Variants in KIDINS220 observed in about 807,000 individuals in gnomAD.
KIDINS220 encodes kinase D interacting substrate 220.
A neutral mutation model predicts 157.6 loss-of-function variants in KIDINS220; 63 were observed. The observed-to-expected ratio is 0.40, with a 90% CI of 0.33 to 0.49. The LOEUF is 0.49. Among genes scored for constraint, KIDINS220 ranks in the 20% least tolerant of loss-of-function variants. The probability of loss-of-function intolerance (pLI) is 0.66; values close to 1 mark genes in which losing one functional copy is unlikely to be tolerated. For synonymous variants in KIDINS220, 732 were observed against 783.6 expected, an observed-to-expected ratio of 0.93 and a Z score of 1.10; for missense variants, 1,772 against 2,171.2, an observed-to-expected ratio of 0.82 and a Z score of 3.65.
intron 2 of KIDINS220, among the ~76,000 whole-genome samples, chr2:8,822,300 C>T (rs757731763): frequency 4.9e-4 from 74 of 152,068 alleles, no homozygotes; most frequent in Non-Finnish European, 9.3e-4. Context: ...TAAAACATTT[C>T]GAAATCCTCC....
At chr2:8,793,451 G>A (rs578246751) in intron 12 of KIDINS220, among the ~76,000 whole-genome samples, 11 of 152,298 alleles carry the variant, frequency 7.2e-5, no homozygotes, top group African/African-American at 2.4e-4. Context: ...AGCTATGATT[G>A]CATCACTGTA....
At position 8,734,771 on chromosome 2, in the gene KIDINS220, C is replaced by T; in HGVS notation, c.3718-18G>A. 1 of 1,522,608 alleles carries T rather than the reference C, an allele frequency of 6.6e-7. No homozygotes were observed. The highest frequency in any genetic ancestry group is 9.1e-7 in the Non-Finnish European group (1 of 1,100,844). 94.3% of individuals were successfully genotyped at this position (1,522,608 alleles called of 1,614,324 possible). On this transcript the variant is annotated intron_variant, in intron 27 of 29. Transcript: ENST00000256707. ...ATGTTTGCCTGAGTAAAAATTAAAA[C>T]AATTATGGGTATAAAGACAGAATGT...
In KIDINS220 at chr2:8,734,080, G is replaced by A. The variant is rs544207199; in HGVS notation, c.3817-400C>T. On this transcript the variant is annotated intron_variant, in intron 28 of 29. Transcript: ENST00000256707. The stretch of plus-strand genomic sequence containing the variant: ...CTCACTACAGAAGGGAGTCCAACTC[G>A]GAATAAGCACGAATGAGTGGGGATC... Among the ~76,000 whole-genome samples the A allele has an allele frequency of 3.3e-5, 5 of 152,186 alleles. No individual in the cohort carries two copies. In the South Asian group the frequency reaches 6.2e-4, roughly 19 times the overall value.
In KIDINS220 at chr2:8,744,363, CAAAAAAAAAAAA is replaced by C. The variant is rs547083543; in HGVS notation, c.3585+2770_3585+2781del. ...AAGGTGATTCAGATGTTCCTCATGG[CAAAAAAAAAAAA>C]AAAAAAAAAAAAAATATATATATAT... is the stretch of plus-strand genomic sequence containing the variant. On this transcript the variant is annotated intron_variant, in intron 26 of 29. Coordinates refer to ENST00000256707, the MANE Select transcript of KIDINS220 (RefSeq NM_020738.4). Among the ~76,000 whole-genome samples the C allele has an allele frequency of 4.4e-3, 41 of 9,300 alleles. 1 individual carries two copies. The highest frequency in any genetic ancestry group is 0.012 in the African/African-American group (22 of 1,858). 6.1% of individuals were successfully genotyped at this position (9,300 alleles called of 152,430 possible).
chr2:8,789,978 A>T lies in KIDINS220; in HGVS notation c.1523T>A (p.Leu508His), dbSNP rs1166754991. 3.7e-6 allele frequency: 6 copies of T among 1,613,746 alleles called. No homozygotes were observed. The highest frequency in any genetic ancestry group is 1.3e-5 in the African/African-American group (1 of 74,920). ...AAACAATAAACCAAGCCCTCCACAA[A>T]GTAGCAGGGTAAGAAACACTATGAG... ...SWLIVFLTLL[L>H]CGGLGLLFAF... The change falls in exon 14 of 30, where the codon CTT (leucine) becomes CAT (histidine). Residue 508 changes from leucine to histidine, a missense_variant. This residue lies in a region of KIDINS220 where 725 missense variants were observed against 1,017.1 expected (regional missense o/e 0.71). Transcript: ENST00000256707.
chr2:8,824,348 G>A (rs1424103105), intron 2 of KIDINS220, among the ~76,000 whole-genome samples: 1 of 152,090 alleles, frequency 6.6e-6, no homozygotes, highest in Non-Finnish European at 1.5e-5. Context: ...AGGTACCACA[G>A]GTCAGAAAAA....
At chr2:8,824,510 A>G (rs1023294662) in intron 2 of KIDINS220, among the ~76,000 whole-genome samples, 13 of 152,054 alleles carry the variant, frequency 8.5e-5, no homozygotes, top group African/African-American at 2.9e-4. Context: ...GCAAAACCCC[A>G]TCTCGACTAA....
rs201077051 is a variant in KIDINS220 at position 8,733,611 on chromosome 2, T to C, written c.3886A>G (p.Ser1296Gly). 104 of 1,613,290 alleles carry C rather than the reference T, an allele frequency of 6.4e-5. No individual in the cohort carries two copies. In the African/African-American group the frequency reaches 8.5e-4, roughly 13 times the overall value. Reference sequence around the variant, plus strand: ...GGCTCACCGTGCGGGGCTGGGCCACTGCTGCTCTCACTGAGGAAACGTGGG... The same window carrying C: ...GGCTCACCGTGCGGGGCTGGGCCACCGCTGCTCTCACTGAGGAAACGTGGG... ...EDPRFLSESS[S>G]GPAPHGEPAR... Residue 1296 changes from serine to glycine, a missense_variant, in exon 29 of 30, where the codon AGT becomes GGT. Ser to Gly is a moderately conservative substitution (Grantham distance 56). Transcript: ENST00000256707.
chr2:8,747,382 T>TTAAACTATTA (rs1440949525), intron 25 of KIDINS220, 181 bp from the exon 26 acceptor site: 15 of 582,438 alleles, frequency 2.6e-5, no homozygotes, highest in Non-Finnish European at 4.0e-5. Flanking sequence ...ATTACTTTTA[T>TTAAACTATTA]CATCAGGAAC....
At chr2:8,802,806 C>T in intron 8 of KIDINS220, 124 bp downstream of exon 8, 1 of 702,644 alleles carries the variant, frequency 1.4e-6, no homozygotes. Flanking sequence ...GTTTCAAAGG[C>T]AGAAATAAAC....
chr2:8,734,987 C>T (rs115686414), intron 27 of KIDINS220, among the ~76,000 whole-genome samples: 62 of 152,258 alleles, frequency 4.1e-4, no homozygotes, highest in African/African-American at 1.0e-3. Flanking sequence ...TGGGACCAAC[C>T]GAAGAACTAA....
chr2:8,735,930 G>A (rs545100037), intron 27 of KIDINS220, among the ~76,000 whole-genome samples: 1 of 152,178 alleles, frequency 6.6e-6, no homozygotes, highest in Non-Finnish European at 1.5e-5. Context: ...GACTCGTGTG[G>A]GAGACCCCGC....
At position 8,785,876 on chromosome 2, in the gene KIDINS220, A is replaced by G; in HGVS notation, c.2094T>C (p.Ser698=). The change falls in exon 17 of 30, where the codon TCT becomes TCC. Residue 698 remains serine, a synonymous_variant. Coordinates refer to ENST00000256707, the MANE Select transcript of KIDINS220 (RefSeq NM_020738.4). ...TVNAVLISIA[S]VVGLAFVLNC... ...TCAACACAAAGGCCAATCCCACTACAGATGCGATTGATATGAGGACAGCAT... is the reference window on the plus strand; with the variant it reads ...TCAACACAAAGGCCAATCCCACTACGGATGCGATTGATATGAGGACAGCAT... 2 of 1,614,170 alleles carry G rather than the reference A, an allele frequency of 1.2e-6. No individual in the cohort carries two copies. Among genetic ancestry groups the G allele is most frequent in the Non-Finnish European group, 1.7e-6 (2 of 1,180,016 alleles).
intron 21 of KIDINS220, 72 bp downstream of exon 21, chr2:8,776,676 T>C: frequency 6.5e-6 from 9 of 1,375,846 alleles, no homozygotes; most frequent in Non-Finnish European, 9.1e-6. Context: ...CATACCTTTG[T>C]TTCTGAAATT....
chr2:8,756,528 A>T (rs1668034147), intron 22 of KIDINS220, among the ~76,000 whole-genome samples: 1 of 152,236 alleles, frequency 6.6e-6, no homozygotes, highest in African/African-American at 2.4e-5. Flanking sequence ...ATAACAGAAT[A>T]CCATAGGCTG....
At chr2:8,742,164 G>A (rs1022363262) in intron 26 of KIDINS220, among the ~76,000 whole-genome samples, 1 of 151,946 alleles carries the variant, frequency 6.6e-6, no homozygotes, top group East Asian at 1.9e-4. Context: ...CTGTCACCAC[G>A]CTGGGGTGCA....
chr2:8,803,037 T>C lies in KIDINS220; in HGVS notation c.694A>G (p.Thr232Ala). The C allele has an allele frequency of 6.2e-7, 1 of 1,613,682 alleles. No homozygotes were observed. Among genetic ancestry groups the C allele is most frequent in the Non-Finnish European group, 8.5e-7 (1 of 1,179,964 alleles). The change falls in exon 8 of 30, where the codon ACA becomes GCA. Residue 232 changes from threonine (T) to alanine (A), a missense_variant. By Grantham distance (58) the Thr-to-Ala change is moderately conservative. Around this residue, in one of 3 missense-constraint regions of KIDINS220, gnomAD observed 725 missense variants for 1,017.1 expected, o/e 0.71. Coordinates refer to ENST00000256707, the MANE Select transcript of KIDINS220 (RefSeq NM_020738.4). ...ILKRNPNVNL[T>A]DKDGNTALMI... The stretch of plus-strand genomic sequence containing the variant: ...AAAGCTGTATTTCCATCTTTATCTG[T>C]TAAGTTTACATTTGGATTCCTCTTC...
At chr2:8,747,295 C>T in intron 25 of KIDINS220, 94 bp from the exon 26 acceptor site, 1 of 1,043,290 alleles carries the variant, frequency 9.6e-7, no homozygotes, top group Non-Finnish European at 1.5e-6. Context: ...TAATATACAA[C>T]ACTGAAACTC....
downstream of KIDINS220, chr2:8,727,053 G>T: frequency 1.0e-6 from 1 of 986,762 alleles, no homozygotes; most frequent in Non-Finnish European, 1.4e-6. Context: ...ACTATCCAGT[G>T]CTGGCTGTTG....
Sources: allele counts gnomAD v4.1 joint callset (sites outside exome capture counted in the v4.1 genomes callset), GRCh38; gene constraint gnomAD v4.1.1; regional missense constraint gnomAD v4.1.1; transcripts MANE v1.5; gene names NCBI Gene and HGNC (gene_info 2026-07-23, HGNC 2026-07-21).